The following MEIS2 variants were observed in gnomAD, a reference collection of about 807,000 sequenced individuals.
The protein encoded by MEIS2 is Meis homeobox 2.
MEIS2 carries 9 observed loss-of-function variants against 58.6 expected under a neutral mutation model. That is an observed-to-expected ratio of 0.15 (90% CI 0.09 to 0.27). MEIS2 has a LOEUF of 0.27. Ranked by LOEUF, MEIS2 falls within the 10% of genes least tolerant of loss-of-function variation. MEIS2 has a pLI of 1.00. For synonymous variants in MEIS2, 221 were observed against 228.4 expected (o/e 0.97, Z 0.29); for missense variants, 427 against 635.0 (o/e 0.67, Z 3.52).
intron 8 of MEIS2, among the ~76,000 whole-genome samples, chr15:37,014,406 A>G (rs1427772830): frequency 1.3e-5 from 2 of 152,220 alleles, no homozygotes; most frequent in Non-Finnish European, 1.5e-5. Flanking sequence ...TGATTGAGCC[A>G]CAAATGGAAA....
intron 7 of MEIS2, among the ~76,000 whole-genome samples, chr15:37,045,906 G>A (rs11852650): frequency 0.97 from 147,174 of 152,288 alleles, 71,306 homozygotes; most frequent in East Asian, 1. Context: ...CACTCAAAAG[G>A]GCACTGAAAA....
intron 6 of MEIS2, among the ~76,000 whole-genome samples, chr15:37,085,871 C>G (rs905598135): frequency 2.0e-4 from 30 of 152,226 alleles, no homozygotes; most frequent in Admixed American, 1.1e-3. Flanking sequence ...AGGGGCTCCT[C>G]AAGCTTTGAA....
At chr15:36,984,954 T>C (rs2060046883) in intron 8 of MEIS2, among the ~76,000 whole-genome samples, 1 of 152,184 alleles carries the variant, frequency 6.6e-6, no homozygotes, top group Non-Finnish European at 1.5e-5. Flanking sequence ...TCACTTATAA[T>C]TTTATTTACT....
Position 36,891,962 on chromosome 15 carries a change from C to G in MEIS2, c.*211G>C. On this transcript the variant is annotated 3_prime_UTR_variant, in exon 12 of 12. Coordinates refer to ENST00000561208, the MANE Select transcript of MEIS2 (RefSeq NM_170675.5). Reference sequence around the variant, plus strand: ...CTCTCGGAGTCTTTTTCCAGAGGATCTTTACATGGACAGAATTGTCTCAGT... The same window carrying G: ...CTCTCGGAGTCTTTTTCCAGAGGATGTTTACATGGACAGAATTGTCTCAGT... 1 of 601,490 alleles carries G rather than the reference C, an allele frequency of 1.7e-6. No individual in the cohort carries two copies. Among genetic ancestry groups the G allele is most frequent in the South Asian group, 2.1e-5 (1 of 48,364 alleles). 37.3% of individuals were successfully genotyped at this position (601,490 alleles called of 1,614,324 possible). A position where few individuals can be genotyped will look rare whatever the true frequency, so the allele number is the denominator to read the frequency against.
Position 37,033,296 on chromosome 15 carries a change from T to A in MEIS2, c.900+3518A>T, listed in dbSNP as rs554597456. Among the ~76,000 whole-genome samples, 28 of 152,308 alleles carry A rather than the reference T, an allele frequency of 1.8e-4. 1 individual carries two copies. In the South Asian group the frequency reaches 5.4e-3, roughly 29 times the overall value. The stretch of plus-strand genomic sequence containing the variant: ...AAATACAACCAGAGTTCTTTTATGT[T>A]CTGCTAGTTAATGAATGCATGAATG... On this transcript the variant is annotated intron_variant, in intron 8 of 11. Coordinates refer to ENST00000561208, the MANE Select transcript of MEIS2 (RefSeq NM_170675.5).
At chr15:36,896,988 G>C in intron 9 of MEIS2, 1 of 282,650 alleles carries the variant, frequency 3.5e-6, no homozygotes, top group Non-Finnish European at 6.8e-6. Context: ...TAGGAATCTG[G>C]TTAAAGTTCA....
intron 5 of MEIS2, chr15:37,094,056 T>C (rs1338003632): frequency 6.2e-6 from 2 of 324,472 alleles, no homozygotes; most frequent in East Asian, 1.2e-4. Context: ...ATCAAAACAT[T>C]ACAACATTGG....
chr15:37,009,533 A>G (rs199846026), intron 8 of MEIS2, among the ~76,000 whole-genome samples: 2 of 152,202 alleles, frequency 1.3e-5, no homozygotes, highest in African/African-American at 4.8e-5. Flanking sequence ...TACTGGCTGG[A>G]GAAACATTTA....
intron 1 of MEIS2, chr15:37,098,615 T>G (rs1894691583): frequency 4.9e-6 from 1 of 204,870 alleles, no homozygotes; most frequent in Non-Finnish European, 8.7e-6. Flanking sequence ...GCCGGGGATT[T>G]GAGGGGGCGC....
At chr15:37,060,243 A>T (rs939124415) in intron 7 of MEIS2, among the ~76,000 whole-genome samples, 5 of 152,212 alleles carry the variant, frequency 3.3e-5, no homozygotes, top group African/African-American at 1.2e-4. Context: ...TCTAAGAGTT[A>T]CATTTTTCAA....
chr15:37,068,621 A>C (rs1400926662), intron 7 of MEIS2, among the ~76,000 whole-genome samples: 2 of 152,236 alleles, frequency 1.3e-5, no homozygotes, highest in East Asian at 3.8e-4. Context: ...GTGGCCCTCC[A>C]TAATCAAGAT....
At chr15:36,893,491 C>T (rs542912534) in intron 11 of MEIS2, among the ~76,000 whole-genome samples, 1 of 152,308 alleles carries the variant, frequency 6.6e-6, no homozygotes, top group East Asian at 1.9e-4. Flanking sequence ...TCTGTTTATT[C>T]TACCACAGCA....
chr15:36,964,581 T>TTA (rs2059295721), intron 8 of MEIS2, among the ~76,000 whole-genome samples: 1 of 152,138 alleles, frequency 6.6e-6, no homozygotes, highest in South Asian at 2.1e-4. Context: ...TCATGAGAAA[T>TTA]TATATATTTC....
chr15:36,970,409 A>AC (rs1296451058), intron 8 of MEIS2, among the ~76,000 whole-genome samples: 1 of 151,914 alleles, frequency 6.6e-6, no homozygotes, highest in East Asian at 1.9e-4. Context: ...GTCTCAAAAA[A>AC]AAAAAAAAGT....
At chr15:37,015,769 C>T (rs1157242934) in intron 8 of MEIS2, among the ~76,000 whole-genome samples, 1 of 152,046 alleles carries the variant, frequency 6.6e-6, no homozygotes, top group Non-Finnish European at 1.5e-5. Context: ...ACATAGAGCA[C>T]CAGTGCAAAC....
rs35471860 is a variant in MEIS2 at position 36,921,723 on chromosome 15, GA to G, written c.978-25038del. 8.7e-4 allele frequency among the ~76,000 whole-genome samples: 126 copies of G among 145,536 alleles called. No individual in the cohort carries two copies. In the Middle Eastern group the frequency reaches 0.01, roughly 12 times the overall value. ...ACGCTAGTGACCTCTTGGCATTGTT[GA>G]AAAAAAAAAAAATGAAATGTGAGTG... On this transcript the variant is annotated intron_variant, in intron 9 of 11. Coordinates refer to ENST00000561208, the MANE Select transcript of MEIS2 (RefSeq NM_170675.5).
chr15:37,026,751 A>G (rs1305589737), intron 8 of MEIS2, among the ~76,000 whole-genome samples: 1 of 152,194 alleles, frequency 6.6e-6, no homozygotes, highest in Admixed American at 6.5e-5. Context: ...CCATGACAAT[A>G]TCTCTTGAGT....
intron 9 of MEIS2, among the ~76,000 whole-genome samples, chr15:36,927,373 A>G (rs2057790736): frequency 6.6e-6 from 1 of 152,162 alleles, no homozygotes; most frequent in Admixed American, 6.5e-5. Flanking sequence ...GAGAACCTGG[A>G]AAAAAGGCAA....
intron 8 of MEIS2, among the ~76,000 whole-genome samples, chr15:36,996,728 T>G (rs1016504285): frequency 6.6e-6 from 1 of 152,144 alleles, no homozygotes; most frequent in Non-Finnish European, 1.5e-5. Flanking sequence ...GACCTGACTG[T>G]CTCATAACTT....
Sources: allele counts gnomAD v4.1 joint callset (sites outside exome capture counted in the v4.1 genomes callset), GRCh38; gene constraint gnomAD v4.1.1; transcripts MANE v1.5; gene names NCBI Gene and HGNC (gene_info 2026-07-23, HGNC 2026-07-21).